The following ADCK1 variants were observed in gnomAD, a reference collection of about 807,000 sequenced individuals.
ADCK1 encodes the protein aarF domain-containing protein kinase 1.
In ADCK1, 41 loss-of-function variants were observed where a neutral mutation model predicts 52.3. The observed-to-expected ratio is 0.78, with a 90% CI of 0.61 to 1.02. ADCK1 has a LOEUF of 1.02. ADCK1 is among the 50% of genes least tolerant of loss of function. ADCK1 has a pLI of 0.00. For synonymous variants in ADCK1, 250 were observed against 274.6 expected (o/e 0.91, Z 0.89); for missense variants, 658 against 679.5 (o/e 0.97, Z 0.35).
intron 3 of ADCK1, among the ~76,000 whole-genome samples, chr14:77,835,071 A>G (rs2081933656): frequency 6.6e-6 from 1 of 152,168 alleles, no homozygotes; most frequent in African/African-American, 2.4e-5. Context: ...ATGTGGCAAC[A>G]TCATGAGAGA....
Position 77,859,204 on chromosome 14 carries a change from G to A in ADCK1, c.348G>A (p.Lys116=). The change falls in exon 4 of 11, where the codon AAG becomes AAA. Residue 116 remains lysine, a synonymous_variant. Coordinates refer to ENST00000238561, the MANE Select transcript of ADCK1 (RefSeq NM_020421.4). ...CAGAGGAGTACACCAGCACGCTGAAGGTACTGCACAGCCAGGCTCCACAGA... is the reference window on the plus strand; with the variant it reads ...CAGAGGAGTACACCAGCACGCTGAAAGTACTGCACAGCCAGGCTCCACAGA... The part of the protein sequence containing the change: ...LLPEEYTSTL[K]VLHSQAPQSS... 6.2e-7 allele frequency: 1 copy of A among 1,614,070 alleles called. No individual in the cohort carries two copies. Among genetic ancestry groups the A allele is most frequent in the Non-Finnish European group, 8.5e-7 (1 of 1,180,000 alleles).
chr14:77,813,010 T>A (rs1200764278), intron 1 of ADCK1, among the ~76,000 whole-genome samples: 2 of 150,262 alleles, frequency 1.3e-5, no homozygotes, highest in Admixed American at 6.6e-5. Flanking sequence ...TTTCTTAAAA[T>A]TTTTTTTTTG....
At chr14:77,926,520 G>A (rs10147007) in intron 9 of ADCK1, among the ~76,000 whole-genome samples, 24,486 of 152,008 alleles carry the variant, frequency 0.16, 2,199 homozygotes, top group African/African-American at 0.24. Context: ...TCGCTCTGTC[G>A]CCCAGGCTGG....
At chr14:77,843,042 A>C (rs887426497) in intron 3 of ADCK1, among the ~76,000 whole-genome samples, 3 of 151,848 alleles carry the variant, frequency 2.0e-5, no homozygotes, top group African/African-American at 7.3e-5. Flanking sequence ...GGTGTGTGCC[A>C]CTACTCCTAA....
intron 1 of ADCK1, among the ~76,000 whole-genome samples, chr14:77,805,525 G>A (rs1035289109): frequency 1.1e-4 from 16 of 152,006 alleles, no homozygotes; most frequent in African/African-American, 3.9e-4. Flanking sequence ...GCCTCCTAAA[G>A]TGTTGGGATT....
At chr14:77,825,662 C>T (rs1277241043) in intron 3 of ADCK1, among the ~76,000 whole-genome samples, 1 of 133,102 alleles carries the variant, frequency 7.5e-6, no homozygotes, top group Non-Finnish European at 1.6e-5. Context: ...TTTTTTGAGA[C>T]GGAGTTTTTG....
chr14:77,895,771 C>T (rs1262033339), intron 5 of ADCK1, among the ~76,000 whole-genome samples: 1 of 152,128 alleles, frequency 6.6e-6, no homozygotes, highest in Non-Finnish European at 1.5e-5. Context: ...ACCTGACCCC[C>T]TCCCCACCCA....
At chr14:77,839,995 T>C (rs965278914) in intron 3 of ADCK1, among the ~76,000 whole-genome samples, 4 of 148,802 alleles carry the variant, frequency 2.7e-5, no homozygotes, top group Non-Finnish European at 5.9e-5. Context: ...GGGCAGGGAA[T>C]GGTCAGCCAA....
chr14:77,854,950 T>A (rs1391499332), intron 3 of ADCK1, among the ~76,000 whole-genome samples: 2 of 152,226 alleles, frequency 1.3e-5, no homozygotes, highest in African/African-American at 2.4e-5. Context: ...CTACTATTCT[T>A]CTGCCCTAAT....
At chr14:77,912,571 GT>G (rs2083819697) in intron 7 of ADCK1, among the ~76,000 whole-genome samples, 1 of 152,058 alleles carries the variant, frequency 6.6e-6, no homozygotes, top group Non-Finnish European at 1.5e-5. Flanking sequence ...CAGCCCTGGA[GT>G]GACTCCCTCC....
At chr14:77,829,295 A>ATTT (rs35370816) in intron 3 of ADCK1, among the ~76,000 whole-genome samples, 1 of 145,566 alleles carries the variant, frequency 6.9e-6, no homozygotes, top group Non-Finnish European at 1.5e-5. Context: ...AAAAACTAAG[A>ATTT]TTTTTTTTTT....
intron 6 of ADCK1, chr14:77,900,480 G>A (rs3783958): frequency 0.047 from 18,846 of 400,512 alleles, 802 homozygotes; most frequent in South Asian, 0.12. Context: ...TCAGCTACTC[G>A]GGAGGCTGAG....
intron 7 of ADCK1, chr14:77,924,152 CG>C: frequency 3.8e-6 from 1 of 264,458 alleles, no homozygotes; most frequent in South Asian, 6.6e-5. Context: ...AGTCGGGGGG[CG>C]GGTGTGGGAG....
intron 4 of ADCK1, among the ~76,000 whole-genome samples, chr14:77,872,290 G>GAGTC (rs2082796376): frequency 6.6e-6 from 1 of 152,134 alleles, no homozygotes; most frequent in African/African-American, 2.4e-5. Flanking sequence ...CAGGAACTGA[G>GAGTC]CTTGAGTGTC....
chr14:77,867,426 A>G (rs1160242683), intron 4 of ADCK1, among the ~76,000 whole-genome samples: 2 of 152,212 alleles, frequency 1.3e-5, no homozygotes, highest in African/African-American at 4.8e-5. Flanking sequence ...AGCAGCTCTC[A>G]ATAAAAAATA....
At chr14:77,884,924 T>C (rs889810578) in intron 4 of ADCK1, among the ~76,000 whole-genome samples, 2 of 152,204 alleles carry the variant, frequency 1.3e-5, no homozygotes, top group African/African-American at 4.8e-5. Flanking sequence ...TTTTCTATTT[T>C]GGAAAGCTCC....
intron 3 of ADCK1, among the ~76,000 whole-genome samples, chr14:77,826,790 T>C (rs1404858534): frequency 6.6e-6 from 1 of 152,178 alleles, no homozygotes; most frequent in Non-Finnish European, 1.5e-5. Flanking sequence ...GCTGTATTGA[T>C]GTACACTTTA....
chr14:77,928,127 A>G (rs976587753), intron 9 of ADCK1, among the ~76,000 whole-genome samples: 1 of 152,108 alleles, frequency 6.6e-6, no homozygotes, highest in African/African-American at 2.4e-5. Context: ...GAGTTTCTGT[A>G]GGATTGGATG....
At chr14:77,827,768 C>A (rs1379839225) in intron 3 of ADCK1, 6 of 373,738 alleles carry the variant, frequency 1.6e-5, no homozygotes, top group African/African-American at 1.3e-4. Flanking sequence ...GGAGCCAGGT[C>A]CCCTGGCACC....
Sources: allele counts gnomAD v4.1 joint callset (sites outside exome capture counted in the v4.1 genomes callset), GRCh38; gene constraint gnomAD v4.1.1; transcripts MANE v1.5; gene names NCBI Gene and HGNC (gene_info 2026-07-23, HGNC 2026-07-21).